Variants in MTUS1 observed in about 807,000 individuals in gnomAD.
MTUS1 encodes the protein microtubule-associated tumor suppressor 1.
Under a neutral mutation model 120.8 loss-of-function variants are expected in MTUS1, and 109 were observed. The observed-to-expected ratio is 0.90, with a 90% CI of 0.77 to 1.06. MTUS1 has a LOEUF of 1.06. Ranked by LOEUF, MTUS1 falls within the 50% of genes least tolerant of loss-of-function variation. The probability of loss-of-function intolerance (pLI) is 0.00; values close to 1 mark genes in which losing one functional copy is unlikely to be tolerated. For missense variants in MTUS1, 2,210 were observed against 1,486.3 expected, an observed-to-expected ratio of 1.49 and a Z score of -8.01; for synonymous variants, 737 against 550.5, an observed-to-expected ratio of 1.34 and a Z score of -4.74.
At position 17,754,161 on chromosome 8, in the gene MTUS1, T is replaced by C. The variant is rs752012432; in HGVS notation, c.1647A>G (p.Gln549=). 5.3e-5 allele frequency: 85 copies of C among 1,613,610 alleles called. No individual in the cohort carries two copies. The highest frequency in any genetic ancestry group is 3.3e-4 in the Middle Eastern group (2 of 6,082). The change falls in exon 2 of 15, where the codon CAA becomes CAG. Residue 549 remains glutamine (Q), a synonymous_variant. Transcript: ENST00000693296. ...TCGGTGTTCTGCTCAAGACTGTTTG[T>C]TGTCTTGAATTCACTGATGAGGGTG... ...ASSPSSVNSR[Q]QTVLSRTPRS...
intron 4 of MTUS1, among the ~76,000 whole-genome samples, chr8:17,717,950 T>C (rs572181201): frequency 3.3e-5 from 5 of 152,362 alleles, no homozygotes; most frequent in African/African-American, 1.2e-4. Context: ...TTATATTTTA[T>C]ACATATTTAC....
chr8:17,713,550 T>G (rs1197335736), intron 5 of MTUS1, among the ~76,000 whole-genome samples: 2 of 152,142 alleles, frequency 1.3e-5, no homozygotes, highest in Admixed American at 6.6e-5. Context: ...GAAGTTCAAG[T>G]TTTAACAGTA....
intron 1 of MTUS1, among the ~76,000 whole-genome samples, chr8:17,757,838 ATAACT>A (rs1299634350): frequency 6.6e-6 from 1 of 152,256 alleles, no homozygotes; most frequent in Middle Eastern, 3.4e-3. Context: ...CTTTTGGGAA[ATAACT>A]TAAATTTTAT....
chr8:17,792,601 C>T (rs865892436), intron 1 of MTUS1, among the ~76,000 whole-genome samples: 51 of 152,336 alleles, frequency 3.3e-4, no homozygotes, highest in African/African-American at 1.0e-3. Context: ...TGGTGGCTTA[C>T]GCCTGTAATC....
chr8:17,679,275 G>C (rs1345508523), intron 7 of MTUS1, among the ~76,000 whole-genome samples: 1 of 151,400 alleles, frequency 6.6e-6, no homozygotes, highest in Non-Finnish European at 1.5e-5. Flanking sequence ...GGTATATCAT[G>C]TATATAAAAA....
intron 13 of MTUS1, among the ~76,000 whole-genome samples, chr8:17,648,132 T>C (rs559098425): frequency 6.6e-6 from 1 of 152,332 alleles, no homozygotes; most frequent in South Asian, 2.1e-4. Flanking sequence ...GTCCTAATAA[T>C]GTCACAGAGC....
rs1038695898 is a variant in MTUS1 at position 17,646,723 on chromosome 8, T to C, written c.3599+259A>G. ...TTCTATTTGGTTTTGTGTTGCTCTTTGTCTGAAAGCATTCTCAGAGGCAGC... is the reference window on the plus strand; with the variant it reads ...TTCTATTTGGTTTTGTGTTGCTCTTCGTCTGAAAGCATTCTCAGAGGCAGC... On this transcript the variant is annotated intron_variant, in intron 14 of 14. Transcript: ENST00000693296. Among the ~76,000 whole-genome samples the C allele has an allele frequency of 2.6e-5, 4 of 152,218 alleles. No individual in the cohort carries two copies. In the South Asian group the frequency reaches 8.3e-4, roughly 31 times the overall value.
chr8:17,700,299 T>A (rs1378029521), intron 6 of MTUS1, among the ~76,000 whole-genome samples: 4 of 151,432 alleles, frequency 2.6e-5, no homozygotes, highest in African/African-American at 9.7e-5. Context: ...TGAAACCCCG[T>A]CTCTACTAAA....
At chr8:17,710,513 C>T (rs776113451) in intron 6 of MTUS1, among the ~76,000 whole-genome samples, 1 of 152,194 alleles carries the variant, frequency 6.6e-6, no homozygotes, top group East Asian at 1.9e-4. Context: ...CTTCACTTCT[C>T]ATTCTAGTTC....
intron 2 of MTUS1, among the ~76,000 whole-genome samples, chr8:17,749,082 T>C (rs2047988448): frequency 6.6e-6 from 1 of 152,090 alleles, no homozygotes; most frequent in Non-Finnish European, 1.5e-5. Context: ...GAAAAACTAG[T>C]TCAGGATATG....
intron 2 of MTUS1, among the ~76,000 whole-genome samples, chr8:17,748,642 C>A (rs572591800): frequency 4.6e-5 from 7 of 152,308 alleles, no homozygotes; most frequent in Admixed American, 2.0e-4. Context: ...GGCCTGCACA[C>A]AGCATGCTCC....
chr8:17,662,349 A>T (rs1471240179), intron 8 of MTUS1, among the ~76,000 whole-genome samples: 76 of 112,670 alleles, frequency 6.7e-4, no homozygotes, highest in African/African-American at 1.4e-3. Context: ...TTTTGTCCCT[A>T]TTTTTTTTTT....
Position 17,755,340 on chromosome 8 carries a change from C to G in MTUS1, c.468G>C (p.Glu156Asp), listed in dbSNP as rs150511489. The change falls in exon 2 of 15, where the codon GAG becomes GAC. Residue 156 changes from glutamate to aspartate, a missense_variant. Transcript: ENST00000693296. ...CTGTCATGTCAAATGTTTGGTTTAG[C>G]TCCAAGGCATCACAGTAGCCTGCAC... ...LNCAGYCDALELNQTFDMTVD... is the reference protein window; with the variant it reads ...LNCAGYCDALDLNQTFDMTVD... The G allele has an allele frequency of 1.0e-4, 168 of 1,614,154 alleles. 1 individual carries two copies. The African/African-American group carries it at 2.0e-3, about 19-fold the overall frequency.
At chr8:17,746,607 A>G (rs773259456) in intron 2 of MTUS1, among the ~76,000 whole-genome samples, 9 of 151,934 alleles carry the variant, frequency 5.9e-5, no homozygotes, top group Non-Finnish European at 1.2e-4. Flanking sequence ...GGGGGAAACC[A>G]CCCCCATGAT....
rs1807577796 is a variant in MTUS1, at chr8:17,653,762, G to A, written c.3215-264C>T. The A allele has an allele frequency of 2.6e-5, 9 of 351,824 alleles. No homozygotes were observed. In the South Asian group the frequency reaches 5.5e-4, roughly 21 times the overall value. 21.8% of individuals were successfully genotyped at this position (351,824 alleles called of 1,614,324 possible). On this transcript the variant is annotated intron_variant, in intron 10 of 14. Transcript: ENST00000693296. ...GCCCACAGAGGCCATGCGACCTTAGGACAACACTGAGTGCCATTTCAGGGC... is the reference window on the plus strand; with the variant it reads ...GCCCACAGAGGCCATGCGACCTTAGAACAACACTGAGTGCCATTTCAGGGC...
intron 3 of MTUS1, among the ~76,000 whole-genome samples, chr8:17,743,015 G>A (rs1274637439): frequency 6.6e-6 from 1 of 151,318 alleles, no homozygotes; most frequent in Non-Finnish European, 1.5e-5. Flanking sequence ...TTGTAACACA[G>A]ATCTGTACGT....
chr8:17,733,802 A>C (rs538045267), intron 3 of MTUS1, among the ~76,000 whole-genome samples: 1 of 152,036 alleles, frequency 6.6e-6, no homozygotes, highest in East Asian at 1.9e-4. Context: ...CTGAGCCATA[A>C]CTCCTCTTCT....
chr8:17,785,315 C>T (rs2051214411), intron 1 of MTUS1, among the ~76,000 whole-genome samples: 1 of 152,146 alleles, frequency 6.6e-6, no homozygotes, highest in Non-Finnish European at 1.5e-5. Context: ...ATAGGCTCCA[C>T]TGTTACAGAT....
chr8:17,675,680 T>G (rs933458513), intron 7 of MTUS1, among the ~76,000 whole-genome samples: 1 of 152,324 alleles, frequency 6.6e-6, no homozygotes, highest in Non-Finnish European at 1.5e-5. Flanking sequence ...GTCCTATATT[T>G]GCACATAAAA....
Sources: gnomAD v4.1 joint callset for allele counts (sites outside exome capture counted in the v4.1 genomes callset) on GRCh38, gnomAD v4.1.1 for gene constraint, MANE v1.5 for transcripts, NCBI Gene and HGNC (gene_info 2026-07-23, HGNC 2026-07-21) for gene names.